The following RBFOX1 variants were observed in gnomAD, a reference collection of about 807,000 sequenced individuals.
RBFOX1 encodes the protein RNA binding protein fox-1 homolog 1.
Under a neutral mutation model 57.7 loss-of-function variants are expected in RBFOX1, and 8 were observed. The ratio of observed to expected loss-of-function variants is 0.14; its 90% confidence interval spans 0.08 to 0.25. The LOEUF (loss-of-function observed/expected upper bound fraction) is 0.25. Among genes scored for constraint, RBFOX1 ranks in the 10% least tolerant of loss-of-function variants. The pLI, the probability that RBFOX1 is intolerant of heterozygous loss-of-function variation, is 1.00. For synonymous variants in RBFOX1, 326 were observed against 222.4 expected (o/e 1.47, Z -4.15); for missense variants, 611 against 548.5 (o/e 1.11, Z -1.14).
intron 4 of RBFOX1, among the ~76,000 whole-genome samples, chr16:5,971,188 A>G (rs576231056): frequency 2.0e-5 from 3 of 152,224 alleles, no homozygotes; most frequent in Non-Finnish European, 4.4e-5. Flanking sequence ...GCAGTGAACC[A>G]GACTTACTTA....
intron 2 of RBFOX1, among the ~76,000 whole-genome samples, chr16:6,367,932 A>G (rs12446308): frequency 0.089 from 13,558 of 152,162 alleles, 789 homozygotes; most frequent in Middle Eastern, 0.24. Flanking sequence ...CTTTTTGCCC[A>G]CAGAGTAGTT....
intron 4 of RBFOX1, among the ~76,000 whole-genome samples, chr16:5,928,049 A>C (rs575953552): frequency 6.6e-6 from 1 of 152,244 alleles, no homozygotes; most frequent in African/African-American, 2.4e-5. Flanking sequence ...ATTAGTAATA[A>C]AGTGTATTTT....
chr16:7,580,192 G>C (rs939638329), intron 6 of RBFOX1, among the ~76,000 whole-genome samples: 1 of 152,108 alleles, frequency 6.6e-6, no homozygotes, highest in African/African-American at 2.4e-5. Flanking sequence ...ATTCCTAGAT[G>C]ACCCACTGTT....
intron 2 of RBFOX1, among the ~76,000 whole-genome samples, chr16:6,389,011 TC>T (rs1426142711): frequency 3.3e-5 from 5 of 152,164 alleles, no homozygotes; most frequent in Admixed American, 3.3e-4. Context: ...AACCCTTTTA[TC>T]CCTCTAACTA....
At chr16:7,267,958 C>T (rs2095213408) in intron 4 of RBFOX1, among the ~76,000 whole-genome samples, 1 of 152,202 alleles carries the variant, frequency 6.6e-6, no homozygotes, top group South Asian at 2.1e-4. Context: ...CTCTGAGAAA[C>T]AAATCGTTAG....
rs544763261 is a variant in RBFOX1, at chr16:6,377,196, C to T, written c.-64+60139C>T. ...GGCTGAGGTTAGAGGATCACTTAAG[C>T]CCAGGAAGTGGAGGTTGCAGTGAGC... On this transcript the variant is annotated intron_variant, in intron 2 of 15. Transcript: ENST00000550418. Among the ~76,000 whole-genome samples, 105 of 151,480 alleles carry T rather than the reference C, an allele frequency of 6.9e-4. 1 individual carries two copies. The highest frequency in any genetic ancestry group is 2.4e-3 in the African/African-American group (100 of 41,230).
chr16:6,544,848 G>T (rs2096873314), intron 2 of RBFOX1, among the ~76,000 whole-genome samples: 1 of 152,140 alleles, frequency 6.6e-6, no homozygotes, highest in South Asian at 2.1e-4. Flanking sequence ...ATTATGATGG[G>T]GCTTGATCCA....
At chr16:7,179,950 C>A (rs1401835356) in intron 4 of RBFOX1, among the ~76,000 whole-genome samples, 1 of 151,778 alleles carries the variant, frequency 6.6e-6, no homozygotes, top group Non-Finnish European at 1.5e-5. Context: ...GCCATGTTTG[C>A]CAGGCAGATC....
chr16:5,273,070 C>T (rs1465035544), intron 1 of RBFOX1, among the ~76,000 whole-genome samples: 2 of 152,128 alleles, frequency 1.3e-5, no homozygotes, highest in Non-Finnish European at 2.9e-5. Context: ...AGAAATGCTG[C>T]CCACTTAGAG....
chr16:7,699,912 G>C (rs145849022), intron 14 of RBFOX1, among the ~76,000 whole-genome samples: 1 of 152,256 alleles, frequency 6.6e-6, no homozygotes, highest in East Asian at 1.9e-4. Flanking sequence ...GGTGGGGGAT[G>C]TTCACCAGGA....
chr16:6,281,042 A>C (rs1225378923), intron 1 of RBFOX1, among the ~76,000 whole-genome samples: 1 of 151,938 alleles, frequency 6.6e-6, no homozygotes, highest in East Asian at 1.9e-4. Flanking sequence ...ATATGCTATC[A>C]ACATGCAGGT....
intron 2 of RBFOX1, among the ~76,000 whole-genome samples, chr16:6,494,754 C>T (rs765855777): frequency 6.6e-6 from 1 of 152,122 alleles, no homozygotes; most frequent in Non-Finnish European, 1.5e-5. Flanking sequence ...ATATGTTGCA[C>T]CCATTGGAAG....
rs528425854 is a variant in RBFOX1, at chr16:6,585,452, A to G, written c.-63-69151A>G. 2.0e-5 allele frequency among the ~76,000 whole-genome samples: 3 copies of G among 152,182 alleles called. No homozygotes were observed. The South Asian group carries it at 6.2e-4, about 32-fold the overall frequency. The stretch of plus-strand genomic sequence containing the variant: ...TGACTTGTATTCTCGGTCCCCTTTG[A>G]ATAGAACCTTAGATCCCCCATGTCA... On this transcript the variant is annotated intron_variant, in intron 2 of 15. Coordinates refer to ENST00000550418, the MANE Select transcript of RBFOX1 (RefSeq NM_018723.4).
At chr16:6,452,416 C>T (rs76033644) in intron 2 of RBFOX1, among the ~76,000 whole-genome samples, 1,923 of 147,300 alleles carry the variant, frequency 0.013, 40 homozygotes, top group African/African-American at 0.045. Flanking sequence ...CTTCCTTCCA[C>T]GTCTCTCTTC....
intron 2 of RBFOX1, among the ~76,000 whole-genome samples, chr16:6,640,044 A>G (rs2098474558): frequency 6.6e-6 from 1 of 152,194 alleles, no homozygotes; most frequent in Non-Finnish European, 1.5e-5. Flanking sequence ...AAATACAGAA[A>G]CTAAAGAACA....
At chr16:6,880,324 C>G (rs2062679782) in intron 3 of RBFOX1, among the ~76,000 whole-genome samples, 1 of 152,138 alleles carries the variant, frequency 6.6e-6, no homozygotes, top group South Asian at 2.1e-4. Context: ...GAGAGACAGC[C>G]TCTGTTGTTC....
intron 10 of RBFOX1, among the ~76,000 whole-genome samples, chr16:7,629,977 C>A (rs2060677723): frequency 1.3e-5 from 2 of 152,172 alleles, no homozygotes; most frequent in Admixed American, 1.3e-4. Flanking sequence ...TGCAATTTTT[C>A]TTTCTCCGCC....
At chr16:5,864,693 A>G (rs1033097631) in intron 3 of RBFOX1, among the ~76,000 whole-genome samples, 10 of 152,168 alleles carry the variant, frequency 6.6e-5, no homozygotes, top group African/African-American at 1.9e-4. Context: ...TGGATGGATC[A>G]TAATTGACTT....
At chr16:6,757,518 T>C (rs11077081) in intron 3 of RBFOX1, among the ~76,000 whole-genome samples, 78,095 of 151,922 alleles carry the variant, frequency 0.51, 20,926 homozygotes, top group Non-Finnish European at 0.6. Flanking sequence ...TGGAGGGAGG[T>C]CATTATGTTA....
Sources: allele counts gnomAD v4.1 joint callset (sites outside exome capture counted in the v4.1 genomes callset), GRCh38; gene constraint gnomAD v4.1.1; transcripts MANE v1.5; gene names NCBI Gene and HGNC (gene_info 2026-07-23, HGNC 2026-07-21).